Variants in MAST4 observed in about 807,000 individuals in gnomAD.
MAST4 encodes the protein microtubule-associated serine/threonine-protein kinase 4.
A neutral mutation model predicts 162.7 loss-of-function variants in MAST4; 89 were observed. The observed-to-expected ratio is 0.55, with a 90% CI of 0.46 to 0.65. The LOEUF (loss-of-function observed/expected upper bound fraction) is 0.65. Ranked by LOEUF, MAST4 falls within the 30% of genes least tolerant of loss-of-function variation. MAST4 has a pLI of 0.00. For missense variants in MAST4, 3,153 were observed against 3,374.0 expected (o/e 0.93, Z 1.62); for synonymous variants, 1,479 against 1,361.1 (o/e 1.09, Z -1.91).
chr5:67,056,074 A>G (rs1225250031), intron 5 of MAST4, among the ~76,000 whole-genome samples: 2 of 150,126 alleles, frequency 1.3e-5, no homozygotes, highest in Admixed American at 6.7e-5. Flanking sequence ...TATTCACTGT[A>G]TTATATTTTA....
In MAST4 at chr5:66,877,970, AT is replaced by A. The variant is rs1230709557; in HGVS notation, c.643-21974del. ...GAAAAAGCCCTCTACCTTTTCATTG[AT>A]TTTTTTACTACAGTCAGTTGCTTCT... is the stretch of plus-strand genomic sequence containing the variant. On this transcript the variant is annotated intron_variant, in intron 3 of 28. Coordinates refer to ENST00000403625, the MANE Select transcript of MAST4 (RefSeq NM_001164664.2). Among the ~76,000 whole-genome samples, 9 of 152,162 alleles carry A rather than the reference AT, an allele frequency of 5.9e-5. No individual in the cohort carries two copies. In the East Asian group the frequency reaches 1.5e-3, roughly 26 times the overall value.
Position 66,718,178 on chromosome 5 carries a change from T to C in MAST4, c.364-41531T>C, listed in dbSNP as rs200614732. ...AAAACCAGTGGGTTTTTTTTTCTTT[T>C]TTTTTTCTTTTTTTTTTGCTTTGCT... On this transcript the variant is annotated intron_variant, in intron 1 of 28. Coordinates refer to ENST00000403625, the MANE Select transcript of MAST4 (RefSeq NM_001164664.2). 2.6e-4 allele frequency among the ~76,000 whole-genome samples: 40 copies of C among 150,980 alleles called. 1 individual carries two copies. The East Asian group carries it at 6.6e-3, about 25-fold the overall frequency.
chr5:66,705,232 A>G (rs1750054223), intron 1 of MAST4, among the ~76,000 whole-genome samples: 1 of 152,198 alleles, frequency 6.6e-6, no homozygotes, highest in Non-Finnish European at 1.5e-5. Context: ...GACTAAACTT[A>G]CTGTGGTGCT....
intron 1 of MAST4, among the ~76,000 whole-genome samples, chr5:66,751,637 G>A (rs962609519): frequency 7.3e-5 from 11 of 150,880 alleles, no homozygotes; most frequent in Admixed American, 2.0e-4. Context: ...AGAAATATGG[G>A]ACTATGTGAA....
intron 4 of MAST4, among the ~76,000 whole-genome samples, chr5:66,938,097 T>C (rs1580941017): frequency 6.6e-6 from 1 of 152,114 alleles, no homozygotes; most frequent in East Asian, 1.9e-4. Context: ...GATACAAAAT[T>C]ATGTACAAAT....
At chr5:66,614,444 C>G (rs2149398517) in intron 1 of MAST4, among the ~76,000 whole-genome samples, 1 of 152,266 alleles carries the variant, frequency 6.6e-6, no homozygotes, top group African/African-American at 2.4e-5. Context: ...AGAAGCTATT[C>G]CTGAAGACTT....
At chr5:66,980,013 T>G (rs1044134355) in intron 4 of MAST4, among the ~76,000 whole-genome samples, 2 of 152,140 alleles carry the variant, frequency 1.3e-5, no homozygotes, top group Admixed American at 1.3e-4. Context: ...GCAAGATTTT[T>G]GTGTGTAGAA....
chr5:66,807,480 G>A (rs537875568), intron 3 of MAST4, among the ~76,000 whole-genome samples: 4 of 150,384 alleles, frequency 2.7e-5, no homozygotes, highest in African/African-American at 7.3e-5. Context: ...TCCGGCCTGG[G>A]CGACAGAGCG....
intron 15 of MAST4, 133 bp from the exon 16 acceptor site, chr5:67,131,680 A>G (rs1232401090): frequency 1.3e-6 from 1 of 765,208 alleles, no homozygotes; most frequent in Admixed American, 3.0e-5. Flanking sequence ...GTTAACACAT[A>G]GACTCCAGTT....
intron 4 of MAST4, chr5:67,004,893 AT>A (rs66551443): frequency 1.5e-3 from 923 of 627,870 alleles, no homozygotes; most frequent in South Asian, 1.6e-3. Flanking sequence ...GATAATTGGG[AT>A]TTTTTTTTTA....
At chr5:66,687,304 T>A (rs1470378761) in intron 1 of MAST4, among the ~76,000 whole-genome samples, 1 of 152,090 alleles carries the variant, frequency 6.6e-6, no homozygotes, top group Non-Finnish European at 1.5e-5. Context: ...ATTGTTTAGC[T>A]CCCACTTACA....
At chr5:66,904,873 T>C (rs1763242983) in intron 4 of MAST4, among the ~76,000 whole-genome samples, 1 of 151,892 alleles carries the variant, frequency 6.6e-6, no homozygotes, top group African/African-American at 2.4e-5. Flanking sequence ...GACACCCAGG[T>C]AGTGAGTGAA....
chr5:67,018,635 G>A (rs1396546546), intron 4 of MAST4, among the ~76,000 whole-genome samples: 1 of 152,192 alleles, frequency 6.6e-6, no homozygotes, highest in African/African-American at 2.4e-5. Flanking sequence ...GAAGGAAACA[G>A]GGCCTTGACA....
At chr5:66,679,526 G>A (rs557258277) in intron 1 of MAST4, among the ~76,000 whole-genome samples, 4 of 152,072 alleles carry the variant, frequency 2.6e-5, no homozygotes, top group East Asian at 3.9e-4. Context: ...TATAAACTTC[G>A]CTGAAGAGGA....
intron 1 of MAST4, among the ~76,000 whole-genome samples, chr5:66,754,730 G>A (rs1323136551): frequency 6.6e-6 from 1 of 152,156 alleles, no homozygotes; most frequent in African/African-American, 2.4e-5. Context: ...CAAGAAACAA[G>A]TACCAAAGAT....
intron 12 of MAST4, among the ~76,000 whole-genome samples, chr5:67,117,773 A>G (rs192298157): frequency 0.016 from 2,342 of 145,382 alleles, 39 homozygotes; most frequent in African/African-American, 0.049. Flanking sequence ...AGTATAAAAA[A>G]GAAAATGAAC....
intron 1 of MAST4, among the ~76,000 whole-genome samples, chr5:66,719,607 A>T (rs1394771858): frequency 6.6e-6 from 1 of 152,176 alleles, no homozygotes. Context: ...CAGGTTCGTT[A>T]CATAGGTATA....
At chr5:66,645,182 C>A (rs1266422663) in intron 1 of MAST4, among the ~76,000 whole-genome samples, 1 of 152,142 alleles carries the variant, frequency 6.6e-6, no homozygotes, top group Non-Finnish European at 1.5e-5. Flanking sequence ...CAAACTCTTT[C>A]ATTTTGCAGA....
rs569784935 is a variant in MAST4, at chr5:67,003,856, T to G, written c.675-50548T>G. ...GGCTCACCATTACCTAGATCTGTAGTTGCCGGCCATGAAGCCAAACAGGTG... is the reference window on the plus strand; with the variant it reads ...GGCTCACCATTACCTAGATCTGTAGGTGCCGGCCATGAAGCCAAACAGGTG... On this transcript the variant is annotated intron_variant, in intron 4 of 28. Coordinates refer to ENST00000403625, the MANE Select transcript of MAST4 (RefSeq NM_001164664.2). 18 of 152,338 alleles carry G rather than the reference T, an allele frequency of 1.2e-4. No homozygotes were observed. In the South Asian group the frequency reaches 2.9e-3, roughly 25 times the overall value. 9.4% of individuals were successfully genotyped at this position (152,338 alleles called of 1,614,324 possible).
Sources: allele counts gnomAD v4.1 joint callset (sites outside exome capture counted in the v4.1 genomes callset), GRCh38; gene constraint gnomAD v4.1.1; transcripts MANE v1.5; gene names NCBI Gene and HGNC (gene_info 2026-07-23, HGNC 2026-07-21).